Variants in LRRC4C observed in about 807,000 individuals in gnomAD.
The protein encoded by LRRC4C is leucine-rich repeat-containing protein 4C.
A neutral mutation model predicts 33.6 loss-of-function variants in LRRC4C; 5 were observed. The ratio of observed to expected loss-of-function variants is 0.15; its 90% confidence interval spans 0.08 to 0.31. The LOEUF (loss-of-function observed/expected upper bound fraction) is 0.31. Among genes scored for constraint, LRRC4C ranks in the 10% least tolerant of loss-of-function variants. The pLI, the probability that LRRC4C is intolerant of heterozygous loss-of-function variation, is 1.00. For missense variants in LRRC4C, 560 were observed against 796.7 expected (o/e 0.70, Z 3.58); for synonymous variants, 329 against 302.0 (o/e 1.09, Z -0.93).
At chr11:40,217,481 C>T (rs905189251) in intron 5 of LRRC4C, among the ~76,000 whole-genome samples, 1 of 152,038 alleles carries the variant, frequency 6.6e-6, no homozygotes, top group Admixed American at 6.6e-5. Context: ...GATTCTATCA[C>T]GTACTACTTT....
intron 5 of LRRC4C, among the ~76,000 whole-genome samples, chr11:40,163,795 AG>A (rs1187002841): frequency 2.0e-5 from 3 of 152,006 alleles, no homozygotes; most frequent in Non-Finnish European, 2.9e-5. Flanking sequence ...GAGTATGAAT[AG>A]GATTTATAAC....
At chr11:40,573,992 A>G (rs1958083230) in intron 3 of LRRC4C, among the ~76,000 whole-genome samples, 1 of 152,172 alleles carries the variant, frequency 6.6e-6, no homozygotes. Context: ...GAATTTGTGA[A>G]ATTTGATTAC....
At chr11:40,441,113 G>A (rs1951374963) in intron 3 of LRRC4C, among the ~76,000 whole-genome samples, 1 of 152,144 alleles carries the variant, frequency 6.6e-6, no homozygotes, top group Non-Finnish European at 1.5e-5. Context: ...TGTTGGGTTT[G>A]ATGTCAGTGT....
intron 3 of LRRC4C, among the ~76,000 whole-genome samples, chr11:40,438,926 C>CTTTTTTTTTTTTTTTTTTT (rs869144067): frequency 9.4e-6 from 1 of 106,902 alleles, no homozygotes; most frequent in African/African-American, 3.5e-5. Flanking sequence ...TGAATTGCTA[C>CTTTTTTTTTTTTTTTTTTT]TTTTTTTTTT....
At chr11:40,964,430 T>C (rs959070920) in intron 1 of LRRC4C, among the ~76,000 whole-genome samples, 2 of 151,936 alleles carry the variant, frequency 1.3e-5, no homozygotes, top group African/African-American at 4.8e-5. Flanking sequence ...GCAGGTTTGT[T>C]ACATATGTAA....
At chr11:41,303,316 T>C (rs1357292392) in intron 1 of LRRC4C, among the ~76,000 whole-genome samples, 1 of 130,544 alleles carries the variant, frequency 7.7e-6, no homozygotes, top group Non-Finnish European at 1.7e-5. Context: ...CTCCAGCCCC[T>C]AACCGCGAGT....
intron 3 of LRRC4C, among the ~76,000 whole-genome samples, chr11:40,424,904 T>C (rs1950655426): frequency 6.6e-6 from 1 of 152,242 alleles, no homozygotes; most frequent in African/African-American, 2.4e-5. Context: ...TTTGTTTTTC[T>C]AATGAGTAAG....
At chr11:40,882,577 A>AT (rs1235882159) in intron 2 of LRRC4C, among the ~76,000 whole-genome samples, 1 of 151,572 alleles carries the variant, frequency 6.6e-6, no homozygotes, top group Non-Finnish European at 1.5e-5. Context: ...TGGAACTTCC[A>AT]TTTTTTTCTT....
rs76884663 is a variant in LRRC4C at position 41,425,326 on chromosome 11, C to T, written c.-496+34105G>A. 7.2e-5 allele frequency among the ~76,000 whole-genome samples: 11 copies of T among 152,088 alleles called. No homozygotes were observed. The East Asian group carries it at 1.4e-3, about 19-fold the overall frequency. On this transcript the variant is annotated intron_variant, in intron 1 of 6. Transcript: ENST00000528697. ...GGGGAAGGGCCAAAATCAAATTGGT[C>T]GGTTTCCCAGTTGCTACCTGGGCCT...
intron 3 of LRRC4C, among the ~76,000 whole-genome samples, chr11:40,503,988 A>C (rs1202813749): frequency 2.0e-5 from 3 of 152,128 alleles, no homozygotes; most frequent in African/African-American, 7.2e-5. Context: ...AGAAAAAAAG[A>C]GACATGTACA....
At chr11:40,924,122 G>A (rs1389130) in intron 2 of LRRC4C, among the ~76,000 whole-genome samples, 167 of 145,298 alleles carry the variant, frequency 1.1e-3, no homozygotes, top group Middle Eastern at 3.6e-3. Flanking sequence ...GTGTGTGTGT[G>A]TATATATATA....
At chr11:41,245,279 C>G (rs918359574) in intron 1 of LRRC4C, among the ~76,000 whole-genome samples, 1 of 152,178 alleles carries the variant, frequency 6.6e-6, no homozygotes, top group Non-Finnish European at 1.5e-5. Context: ...GCCCACTCAG[C>G]CTGGCAGGCT....
At chr11:40,791,685 C>T (rs191043103) in intron 2 of LRRC4C, among the ~76,000 whole-genome samples, 67 of 152,170 alleles carry the variant, frequency 4.4e-4, no homozygotes, top group Non-Finnish European at 7.2e-4. Context: ...GCCAATTCAT[C>T]GTGATCTATG....
chr11:40,512,078 C>A (rs1311614779), intron 3 of LRRC4C, among the ~76,000 whole-genome samples: 3 of 152,148 alleles, frequency 2.0e-5, no homozygotes, highest in Non-Finnish European at 4.4e-5. Flanking sequence ...GACCCTGATA[C>A]CTTGCCCTAT....
intron 1 of LRRC4C, among the ~76,000 whole-genome samples, chr11:41,175,546 T>A (rs1377372584): frequency 6.6e-6 from 1 of 152,072 alleles, no homozygotes; most frequent in African/African-American, 2.4e-5. Context: ...GTAAGGGTTC[T>A]GCTTGGATGT....
At chr11:40,598,567 T>C (rs1334978768) in intron 3 of LRRC4C, among the ~76,000 whole-genome samples, 1 of 152,312 alleles carries the variant, frequency 6.6e-6, no homozygotes, top group South Asian at 2.1e-4. Context: ...AAAGGCCAAC[T>C]AGCAGGTGCA....
chr11:41,391,271 A>T (rs1335592026), intron 1 of LRRC4C, among the ~76,000 whole-genome samples: 1 of 151,608 alleles, frequency 6.6e-6, no homozygotes, highest in African/African-American at 2.4e-5. Context: ...ACTCAAGAAG[A>T]AAAAAATAGA....
intron 3 of LRRC4C, among the ~76,000 whole-genome samples, chr11:40,463,167 A>T (rs764641321): frequency 3.3e-5 from 5 of 152,160 alleles, no homozygotes; most frequent in Non-Finnish European, 5.9e-5. Flanking sequence ...AATGAGGAAG[A>T]AAAACACTTT....
chr11:40,488,894 T>G (rs1313341089), intron 3 of LRRC4C, among the ~76,000 whole-genome samples: 3 of 152,136 alleles, frequency 2.0e-5, no homozygotes, highest in Non-Finnish European at 4.4e-5. Flanking sequence ...ATCTTATGCC[T>G]GCCCAATGAT....
Sources: gnomAD v4.1 joint callset for allele counts (sites outside exome capture counted in the v4.1 genomes callset) on GRCh38, gnomAD v4.1.1 for gene constraint, MANE v1.5 for transcripts, NCBI Gene and HGNC (gene_info 2026-07-23, HGNC 2026-07-21) for gene names.